The following ODAD2 variants were observed in gnomAD, a reference collection of about 807,000 sequenced individuals.
ODAD2 encodes the protein outer dynein arm docking complex subunit 2.
ODAD2 carries 89 observed loss-of-function variants against 106.8 expected under a neutral mutation model. That is an observed-to-expected ratio of 0.83 (90% CI 0.70 to 0.99). ODAD2 has a LOEUF of 0.99. ODAD2 is among the 50% of genes least tolerant of loss of function. The probability of loss-of-function intolerance (pLI) is 0.00; values close to 1 mark genes in which losing one functional copy is unlikely to be tolerated. For missense variants in ODAD2, 1,168 were observed against 1,238.5 expected (o/e 0.94, Z 0.85); for synonymous variants, 404 against 436.2 (o/e 0.93, Z 0.92).
chr10:27,830,901 C>T (rs529419289), intron 19 of ODAD2, among the ~76,000 whole-genome samples: 2 of 152,290 alleles, frequency 1.3e-5, no homozygotes, highest in African/African-American at 4.8e-5. Context: ...TGGCAAGATT[C>T]TTTAAATAAT....
intron 17 of ODAD2, among the ~76,000 whole-genome samples, chr10:27,870,329 A>G (rs540040384): frequency 1.3e-5 from 2 of 151,888 alleles, no homozygotes; most frequent in Non-Finnish European, 2.9e-5. Flanking sequence ...ATTCCTGTAC[A>G]TCTTTGAATC....
intron 17 of ODAD2, among the ~76,000 whole-genome samples, chr10:27,875,730 G>A (rs1430295655): frequency 6.6e-6 from 1 of 152,186 alleles, no homozygotes; most frequent in Non-Finnish European, 1.5e-5. Context: ...CCGAGCATGA[G>A]CCAAAGCAGG....
chr10:27,996,564 T>C (rs549649498), intron 1 of ODAD2, among the ~76,000 whole-genome samples: 4 of 152,312 alleles, frequency 2.6e-5, no homozygotes, highest in East Asian at 3.9e-4. Flanking sequence ...ATCTAGTAAG[T>C]GAAAAACTTC....
intron 17 of ODAD2, among the ~76,000 whole-genome samples, chr10:27,891,589 T>C (rs1316346653): frequency 2.0e-5 from 3 of 152,232 alleles, no homozygotes; most frequent in Non-Finnish European, 2.9e-5. Flanking sequence ...ATCTAATTCA[T>C]AAGGAAATGG....
intron 17 of ODAD2, among the ~76,000 whole-genome samples, chr10:27,890,733 C>T (rs978441758): frequency 2.6e-5 from 4 of 151,096 alleles, no homozygotes; most frequent in Admixed American, 6.6e-5. Context: ...TGTTTGGACC[C>T]CTTATGTCCC....
At chr10:27,909,817 G>GAAAAAAAAAAAA (rs35449629) in intron 16 of ODAD2, among the ~76,000 whole-genome samples, 1 of 56,386 alleles carries the variant, frequency 1.8e-5, no homozygotes, top group Non-Finnish European at 3.3e-5. Context: ...GTCTTCATTT[G>GAAAAAAAAAAAA]AAAAAAAAAA....
At chr10:27,849,120 C>G (rs974252656) in intron 19 of ODAD2, among the ~76,000 whole-genome samples, 2 of 152,224 alleles carry the variant, frequency 1.3e-5, no homozygotes, top group Non-Finnish European at 2.9e-5. Flanking sequence ...TACTGCGTCA[C>G]TGTTCACAAT....
Position 27,981,464 on chromosome 10 carries a change from A to C in ODAD2, c.936+2T>G. 6.7e-7 allele frequency: 1 copy of C among 1,499,324 alleles called. No homozygotes were observed. Among genetic ancestry groups the C allele is most frequent in the Non-Finnish European group, 8.8e-7 (1 of 1,133,490 alleles). The allele number at this position is 1,499,324 out of a possible 1,614,324, so 92.9% of individuals were successfully genotyped here. On this transcript the variant is annotated splice_donor_variant, in intron 7 of 19. Transcript: ENST00000305242. LOFTEE classifies it high-confidence loss of function. Reference sequence around the variant, plus strand: ...AAGCTCAAAAGAAACCATAAAACTTACCAATTTAGACATATTTTCTGAAAA... The same window carrying C: ...AAGCTCAAAAGAAACCATAAAACTTCCCAATTTAGACATATTTTCTGAAAA...
At chr10:27,908,450 A>C (rs576407259) in intron 16 of ODAD2, among the ~76,000 whole-genome samples, 3 of 152,278 alleles carry the variant, frequency 2.0e-5, no homozygotes, top group East Asian at 1.9e-4. Flanking sequence ...TTTATATATC[A>C]ATCAGTCCAG....
intron 8 of ODAD2, among the ~76,000 whole-genome samples, chr10:27,970,862 C>T (rs1848801878): frequency 6.6e-6 from 1 of 152,010 alleles, no homozygotes. Flanking sequence ...ATCCCAGCTA[C>T]TCAGGAGGCT....
intron 17 of ODAD2, among the ~76,000 whole-genome samples, chr10:27,901,837 C>G (rs1434540962): frequency 6.6e-6 from 1 of 152,164 alleles, no homozygotes; most frequent in Non-Finnish European, 1.5e-5. Context: ...TACAAAGAGA[C>G]TTATACTCCA....
At position 27,862,562 on chromosome 10, in the gene ODAD2, T is replaced by A. The variant is rs748577492; in HGVS notation, c.2671A>T (p.Lys891Ter). 1 of 1,611,880 alleles carries A rather than the reference T, an allele frequency of 6.2e-7. No individual in the cohort carries two copies. The highest frequency in any genetic ancestry group is 8.5e-7 in the Non-Finnish European group (1 of 1,179,094). The change falls in exon 18 of 20, where the codon AAA becomes TAA. Residue 891 changes from lysine to a stop codon, truncating the protein, a stop_gained. Transcript: ENST00000305242. LOFTEE classifies it high-confidence loss of function. ...GGLELIVNLL[K>*]SDNKEVLASV... ...GCCAGAACTTCTTTGTTATCTGATT[T>A]CAGTAAATTGACAATAAGTTCCAAA...
At chr10:27,894,652 C>G (rs1449760507) in intron 17 of ODAD2, among the ~76,000 whole-genome samples, 1 of 151,936 alleles carries the variant, frequency 6.6e-6, no homozygotes, top group Non-Finnish European at 1.5e-5. Context: ...TCACGCCTCA[C>G]TGAAGCCTCA....
intron 2 of ODAD2, among the ~76,000 whole-genome samples, chr10:27,991,350 G>A (rs916191445): frequency 3.3e-5 from 5 of 151,936 alleles, no homozygotes; most frequent in Non-Finnish European, 5.9e-5. Flanking sequence ...AGACCATCAC[G>A]TAACATGAAC....
intron 19 of ODAD2, chr10:27,813,392 T>C (rs997437301): frequency 6.6e-6 from 1 of 152,206 alleles, no homozygotes; most frequent in Non-Finnish European, 1.5e-5. Flanking sequence ...TTTTCCCTTT[T>C]CAACAGATAA....
intron 18 of ODAD2, 62 bp from the exon 19 acceptor site, chr10:27,860,908 T>C: frequency 7.1e-7 from 1 of 1,413,124 alleles, no homozygotes; most frequent in South Asian, 1.2e-5. Context: ...ATCATGTCTA[T>C]AAGCACTTTA....
At chr10:27,951,079 T>C (rs913656322) in intron 10 of ODAD2, among the ~76,000 whole-genome samples, 7 of 151,994 alleles carry the variant, frequency 4.6e-5, no homozygotes, top group Non-Finnish European at 8.8e-5. Flanking sequence ...TAGATACACA[T>C]GGAAAAAAGC....
chr10:27,895,271 G>A (rs1377189157), intron 17 of ODAD2, among the ~76,000 whole-genome samples: 10 of 152,034 alleles, frequency 6.6e-5, no homozygotes, highest in Admixed American at 1.3e-4. Context: ...AACGATAGCC[G>A]CTAACTACAT....
chr10:27,900,644 G>A (rs907358003), intron 17 of ODAD2, among the ~76,000 whole-genome samples: 3 of 152,068 alleles, frequency 2.0e-5, no homozygotes, highest in African/African-American at 4.8e-5. Flanking sequence ...TGAAAAACAC[G>A]GCAAAAGAAC....
Sources: gnomAD v4.1 joint callset for allele counts (sites outside exome capture counted in the v4.1 genomes callset) on GRCh38, gnomAD v4.1.1 for gene constraint, MANE v1.5 for transcripts, NCBI Gene and HGNC (gene_info 2026-07-23, HGNC 2026-07-21) for gene names.